The following ST3GAL5 variants were observed in gnomAD, a reference collection of about 807,000 sequenced individuals.
ST3GAL5 encodes the protein ST3 beta-galactoside alpha-2,3-sialyltransferase 5.
In ST3GAL5, 25 loss-of-function variants were observed where a neutral mutation model predicts 46.1. The observed-to-expected ratio is 0.54, with a 90% CI of 0.40 to 0.76. The LOEUF (loss-of-function observed/expected upper bound fraction) is 0.76, where lower values mean the gene tolerates loss of function less well. ST3GAL5 is among the 30% of genes least tolerant of loss of function. The probability of loss-of-function intolerance (pLI) is 0.00; values close to 1 mark genes in which losing one functional copy is unlikely to be tolerated. For synonymous variants in ST3GAL5, 182 were observed against 192.7 expected (o/e 0.94, Z 0.46); for missense variants, 431 against 521.2 (o/e 0.83, Z 1.69).
rs1017206945 is a variant in ST3GAL5 at position 85,839,997 on chromosome 2, G to A, written c.*147C>T. The A allele has an allele frequency of 2.8e-5, 35 of 1,252,576 alleles. No homozygotes were observed. Among genetic ancestry groups the A allele is most frequent in the Admixed American group, 7.0e-5 (3 of 42,648 alleles). The allele number at this position is 1,252,576 out of a possible 1,614,324, so 77.6% of individuals were successfully genotyped here. On this transcript the variant is annotated 3_prime_UTR_variant, in exon 7 of 7. Transcript: ENST00000638572. The stretch of plus-strand genomic sequence containing the variant: ...AAATAGGAAAAAAAAAGTGGGAAGA[G>A]CTAAAATTTTTTTTGTGTTTTTAAA...
At chr2:85,872,629 G>C (rs925704593) in intron 1 of ST3GAL5, among the ~76,000 whole-genome samples, 1 of 151,030 alleles carries the variant, frequency 6.6e-6, no homozygotes. Flanking sequence ...GAACGTGCAC[G>C]GGGCCGGCTG....
intron 1 of ST3GAL5, among the ~76,000 whole-genome samples, chr2:85,876,064 A>G (rs1247695226): frequency 6.6e-6 from 1 of 152,182 alleles, no homozygotes; most frequent in Non-Finnish European, 1.5e-5. Flanking sequence ...CTGCCAAAAC[A>G]TACAACCTGA....
intron 1 of ST3GAL5, chr2:85,867,814 A>G: frequency 1.6e-6 from 1 of 644,370 alleles, no homozygotes; most frequent in South Asian, 1.7e-5. Context: ...CCTAAGGGCA[A>G]GATTTACAGT....
intron 2 of ST3GAL5, among the ~76,000 whole-genome samples, chr2:85,862,580 C>T (rs994302866): frequency 1.3e-5 from 2 of 152,168 alleles, no homozygotes; most frequent in Non-Finnish European, 2.9e-5. Context: ...ATTCCTGGAG[C>T]GAGTCCACCT....
In ST3GAL5 at chr2:85,861,209, A is replaced by AT. The variant is rs779767507; in HGVS notation, c.289dup (p.Met97AsnfsTer7). On this transcript the variant is annotated frameshift_variant, in exon 3 of 7. Transcript: ENST00000638572. LOFTEE classifies it high-confidence loss of function. The stretch of plus-strand genomic sequence containing the variant: ...TACATGGTCAGGGTCCACATAATGC[A>AT]TTTTTTTCATGTCACATTCTTCAGT... The AT allele has an allele frequency of 1.9e-6, 3 of 1,611,868 alleles. No homozygotes were observed. Among genetic ancestry groups the AT allele is most frequent in the Non-Finnish European group, 2.5e-6 (3 of 1,178,382 alleles).
At chr2:85,851,611 T>A in intron 3 of ST3GAL5, 1 of 1,289,448 alleles carries the variant, frequency 7.8e-7, no homozygotes, top group Non-Finnish European at 1.0e-6. Flanking sequence ...TGAACCGGCA[T>A]CTGCTTCAGC....
chr2:85,841,588 G>A (rs1367788581), intron 6 of ST3GAL5, among the ~76,000 whole-genome samples: 1 of 152,178 alleles, frequency 6.6e-6, no homozygotes, highest in Non-Finnish European at 1.5e-5. Context: ...TCCCGTCTTG[G>A]CTTCCCAAAG....
intron 3 of ST3GAL5, among the ~76,000 whole-genome samples, chr2:85,860,157 G>A (rs1367263383): frequency 6.6e-6 from 1 of 152,200 alleles, no homozygotes; most frequent in Non-Finnish European, 1.5e-5. Context: ...AAAGTTAAAT[G>A]AGCTAATATT....
intron 3 of ST3GAL5, among the ~76,000 whole-genome samples, chr2:85,851,981 G>C (rs1230826050): frequency 6.6e-6 from 1 of 152,250 alleles, no homozygotes; most frequent in Non-Finnish European, 1.5e-5. Context: ...AATTGTTAAT[G>C]CTGTGGCAGT....
chr2:85,885,625 G>C (rs962893430), intron 1 of ST3GAL5, among the ~76,000 whole-genome samples: 2 of 151,922 alleles, frequency 1.3e-5, no homozygotes, highest in South Asian at 4.1e-4. Context: ...TCAGGAAATC[G>C]AGACCATCCT....
intron 2 of ST3GAL5, among the ~76,000 whole-genome samples, chr2:85,862,072 T>C (rs545198765): frequency 6.6e-6 from 1 of 152,166 alleles, no homozygotes; most frequent in East Asian, 1.9e-4. Flanking sequence ...GCATAATATA[T>C]TATACATAAT....
chr2:85,848,569 T>G, intron 3 of ST3GAL5: 1 of 441,094 alleles, frequency 2.3e-6, no homozygotes, highest in Non-Finnish European at 4.0e-6. Flanking sequence ...TACAACATAG[T>G]TAAACTTTGA....
chr2:85,867,477 C>T, intron 1 of ST3GAL5: 3 of 718,868 alleles, frequency 4.2e-6, no homozygotes, highest in Non-Finnish European at 7.8e-6. Context: ...ATGTAGTTAC[C>T]TCCTGGGATA....
At chr2:85,882,892 C>T (rs1249617774) in intron 1 of ST3GAL5, among the ~76,000 whole-genome samples, 2 of 151,832 alleles carry the variant, frequency 1.3e-5, no homozygotes, top group East Asian at 1.9e-4. Context: ...GTGCCTGTAG[C>T]CCCTTTGTTT....
chr2:85,860,119 T>TA (rs1403130008), intron 3 of ST3GAL5, among the ~76,000 whole-genome samples: 2 of 152,208 alleles, frequency 1.3e-5, no homozygotes, highest in African/African-American at 2.4e-5. Flanking sequence ...GGGATGATTG[T>TA]AGCACCTACA....
chr2:85,877,397 G>C (rs1467641408), intron 1 of ST3GAL5, among the ~76,000 whole-genome samples: 1 of 152,062 alleles, frequency 6.6e-6, no homozygotes, highest in African/African-American at 2.4e-5. Context: ...CATGACCTTG[G>C]CATTTTTGAA....
chr2:85,865,866 T>A (rs1685238077), intron 1 of ST3GAL5: 1 of 152,256 alleles, frequency 6.6e-6, no homozygotes, highest in South Asian at 2.1e-4. Context: ...ACCAGCTGGC[T>A]TCTCGTAAAG....
At chr2:85,881,958 A>C (rs1687205193) in intron 1 of ST3GAL5, among the ~76,000 whole-genome samples, 2 of 152,226 alleles carry the variant, frequency 1.3e-5, no homozygotes, top group Admixed American at 1.3e-4. Context: ...CCCAGGAGGA[A>C]AAAGTGGTTT....
At chr2:85,847,763 C>T in intron 4 of ST3GAL5, 98 bp downstream of exon 4, 1 of 1,487,710 alleles carries the variant, frequency 6.7e-7, no homozygotes, top group Non-Finnish European at 9.0e-7. Flanking sequence ...CCACTGCACT[C>T]CAGCCTGGAC....
Sources: allele counts gnomAD v4.1 joint callset (sites outside exome capture counted in the v4.1 genomes callset), GRCh38; gene constraint gnomAD v4.1.1; transcripts MANE v1.5; gene names NCBI Gene and HGNC (gene_info 2026-07-23, HGNC 2026-07-21).